ITGA9: variants seen among roughly 807,000 people sequenced by gnomAD.
ITGA9 encodes the protein integrin subunit alpha 9.
Under a neutral mutation model 127.8 loss-of-function variants are expected in ITGA9, and 56 were observed. The ratio of observed to expected loss-of-function variants is 0.44; its 90% CI spans 0.35 to 0.55. ITGA9 has a LOEUF of 0.55. ITGA9 is among the 20% of genes least tolerant of loss of function. ITGA9 has a pLI of 0.00. For synonymous variants in ITGA9, 508 were observed against 514.5 expected (o/e 0.99, Z 0.17); for missense variants, 1,196 against 1,347.1 (o/e 0.89, Z 1.76).
intron 4 of ITGA9, among the ~76,000 whole-genome samples, chr3:37,491,884 A>G (rs1698677304): frequency 6.6e-6 from 1 of 152,238 alleles, no homozygotes; most frequent in Admixed American, 6.5e-5. Flanking sequence ...ATATGAAGGA[A>G]TCAGGTTAAA....
intron 15 of ITGA9, among the ~76,000 whole-genome samples, chr3:37,560,800 A>G (rs1699479614): frequency 6.6e-6 from 1 of 152,224 alleles, no homozygotes; most frequent in Non-Finnish European, 1.5e-5. Flanking sequence ...AGCTGCCATA[A>G]TGAAGACCAC....
chr3:37,471,267 A>C, intron 2 of ITGA9, 133 bp downstream of exon 2: 1 of 1,026,022 alleles, frequency 9.7e-7, no homozygotes, highest in South Asian at 1.3e-5. Flanking sequence ...TCTCTCCAAC[A>C]AGCATGTATT....
intron 15 of ITGA9, among the ~76,000 whole-genome samples, chr3:37,611,341 G>C (rs1410320895): frequency 6.6e-6 from 1 of 152,168 alleles, no homozygotes; most frequent in Non-Finnish European, 1.5e-5. Flanking sequence ...AGAAGGATAA[G>C]GAGCAGTGGG....
At chr3:37,769,064 C>G (rs1266468036) in intron 23 of ITGA9, among the ~76,000 whole-genome samples, 1 of 152,060 alleles carries the variant, frequency 6.6e-6, no homozygotes, top group Non-Finnish European at 1.5e-5. Flanking sequence ...ATAGGCCAGG[C>G]GTGGTGGCTC....
chr3:37,774,386 A>G (rs1375377114), intron 23 of ITGA9, among the ~76,000 whole-genome samples: 2 of 152,106 alleles, frequency 1.3e-5, no homozygotes, highest in Non-Finnish European at 2.9e-5. Context: ...TTTTCCCCAA[A>G]TGTTGTCGTT....
chr3:37,791,627 T>C (rs1251721239), intron 26 of ITGA9, among the ~76,000 whole-genome samples: 2 of 152,182 alleles, frequency 1.3e-5, no homozygotes, highest in Non-Finnish European at 2.9e-5. Context: ...TTCTACTTTC[T>C]GGAGTTGCTG....
At position 37,820,268 on chromosome 3, in the gene ITGA9, C is replaced by T. The variant is rs1413684974; in HGVS notation, c.*1279C>T. ...GAACTCCGGAGGAAAAGTTAGGCCT[C>T]AGAGGTGTCCCAACCTGAATCAAGG... is the stretch of plus-strand genomic sequence containing the variant. On this transcript the variant is annotated 3_prime_UTR_variant, in exon 28 of 28. Coordinates refer to ENST00000264741, the MANE Select transcript of ITGA9 (RefSeq NM_002207.3). 1 of 152,212 alleles carries T rather than the reference C, an allele frequency of 6.6e-6. No individual in the cohort carries two copies. The highest frequency in any genetic ancestry group is 2.4e-5 in the African/African-American group (1 of 41,450). 9.4% of individuals were successfully genotyped at this position (152,212 alleles called of 1,614,324 possible).
chr3:37,677,636 G>A (rs1162285639), intron 17 of ITGA9, among the ~76,000 whole-genome samples: 1 of 152,188 alleles, frequency 6.6e-6, no homozygotes, highest in Non-Finnish European at 1.5e-5. Context: ...TAGGAGCAAT[G>A]GGAAAGGCAA....
intron 3 of ITGA9, among the ~76,000 whole-genome samples, chr3:37,474,527 G>C (rs1026457426): frequency 1.2e-4 from 18 of 144,460 alleles, no homozygotes; most frequent in Admixed American, 7.6e-4. Flanking sequence ...CCAGCTGTGA[G>C]TGCACAGCCC....
intron 15 of ITGA9, among the ~76,000 whole-genome samples, chr3:37,579,501 G>A (rs1699685843): frequency 6.6e-6 from 1 of 152,122 alleles, no homozygotes; most frequent in African/African-American, 2.4e-5. Flanking sequence ...TTTCCTGGAA[G>A]CCTCACATTA....
chr3:37,492,521 C>T (rs1000704309), intron 4 of ITGA9, among the ~76,000 whole-genome samples: 13 of 152,268 alleles, frequency 8.5e-5, no homozygotes, highest in Non-Finnish European at 1.5e-5. Context: ...CTGCTCCCAA[C>T]ATAGACCACA....
At chr3:37,529,224 G>T (rs1466630583) in intron 13 of ITGA9, among the ~76,000 whole-genome samples, 1 of 152,198 alleles carries the variant, frequency 6.6e-6, no homozygotes, top group African/African-American at 2.4e-5. Flanking sequence ...CCCATTTTAT[G>T]GGTGAGGAGA....
intron 18 of ITGA9, among the ~76,000 whole-genome samples, chr3:37,724,333 T>C (rs115271928): frequency 0.011 from 1,632 of 152,308 alleles, 28 homozygotes; most frequent in African/African-American, 0.037. Flanking sequence ...TTTTTTGATA[T>C]ATTTGCTTTT....
intron 25 of ITGA9, among the ~76,000 whole-genome samples, chr3:37,784,364 T>C (rs1359180111): frequency 6.6e-6 from 1 of 152,182 alleles, no homozygotes; most frequent in Non-Finnish European, 1.5e-5. Context: ...TGGGGGGTGA[T>C]TCCAGAGTCT....
intron 1 of ITGA9, among the ~76,000 whole-genome samples, chr3:37,470,119 T>C (rs1698412700): frequency 6.7e-6 from 1 of 149,154 alleles, no homozygotes; most frequent in Non-Finnish European, 1.5e-5. Flanking sequence ...CTAGCACTGA[T>C]GGGCCTTTAG....
chr3:37,494,033 C>T (rs1041048053), intron 4 of ITGA9, among the ~76,000 whole-genome samples: 3 of 152,228 alleles, frequency 2.0e-5, no homozygotes, highest in South Asian at 2.1e-4. Flanking sequence ...CCTCTGTGGA[C>T]GGCTTGTTTC....
intron 24 of ITGA9, among the ~76,000 whole-genome samples, chr3:37,778,817 TC>T (rs1163625228): frequency 1.3e-5 from 2 of 151,728 alleles, no homozygotes; most frequent in Non-Finnish European, 2.9e-5. Context: ...TCATTTCCTT[TC>T]TCATTCTTTT....
At chr3:37,664,709 C>T (rs576994121) in intron 17 of ITGA9, among the ~76,000 whole-genome samples, 21 of 152,134 alleles carry the variant, frequency 1.4e-4, no homozygotes, top group Non-Finnish European at 2.9e-4. Context: ...GCCGAGTCAG[C>T]ACATTCTTTA....
chr3:37,595,689 G>A (rs976503764), intron 15 of ITGA9, among the ~76,000 whole-genome samples: 7 of 152,154 alleles, frequency 4.6e-5, no homozygotes, highest in Non-Finnish European at 7.4e-5. Context: ...CTTTCCCGGC[G>A]TGGTGTTTGG....
Sources: allele counts gnomAD v4.1 joint callset (sites outside exome capture counted in the v4.1 genomes callset), GRCh38; gene constraint gnomAD v4.1.1; transcripts MANE v1.5; gene names NCBI Gene and HGNC (gene_info 2026-07-23, HGNC 2026-07-21).